Variants in SLCO1B1 observed in about 807,000 individuals in gnomAD.
The protein encoded by SLCO1B1 is solute carrier organic anion transporter family member 1B1.
Under a neutral mutation model 70.1 loss-of-function variants are expected in SLCO1B1, and 81 were observed. The ratio of observed to expected loss-of-function variants is 1.16; its 90% CI spans 0.97 to 1.39. The LOEUF is 1.39. Ranked by LOEUF, SLCO1B1 falls within the 40% of genes most tolerant of loss-of-function variation. The probability of loss-of-function intolerance (pLI) is 0.00; values close to 1 mark genes in which losing one functional copy is unlikely to be tolerated. For missense variants in SLCO1B1, 895 were observed against 799.6 expected (o/e 1.12, Z -1.44); for synonymous variants, 283 against 271.5 (o/e 1.04, Z -0.42).
intron 2 of SLCO1B1, among the ~76,000 whole-genome samples, chr12:21,169,849 G>A (rs1454325768): frequency 6.6e-6 from 1 of 151,988 alleles, no homozygotes; most frequent in East Asian, 1.9e-4. Flanking sequence ...AACTCTCCCA[G>A]ATTTTGTGAG....
At chr12:21,217,492 C>T (rs1324863179) in intron 12 of SLCO1B1, among the ~76,000 whole-genome samples, 189 bp downstream of exon 12, 1 of 151,998 alleles carries the variant, frequency 6.6e-6, no homozygotes, top group Admixed American at 6.6e-5. Flanking sequence ...GCCTCTAATT[C>T]TTCCATTAAA....
Position 21,178,574 on chromosome 12 carries a change from AG to A in SLCO1B1, c.482del, listed in dbSNP as rs1374510915. ...AAATGAAACACTCTCTTATCTACATAGGTTGTTTAAAGGAATCTGGGTCATA... is the reference window on the plus strand; with the variant it reads ...AAATGAAACACTCTCTTATCTACATAGTTGTTTAAAGGAATCTGGGTCATA... On this transcript the variant is annotated splice_acceptor_variant, in intron 5 of 14. Coordinates refer to ENST00000256958, the MANE Select transcript of SLCO1B1 (RefSeq NM_006446.5). LOFTEE classifies it high-confidence loss of function. 3.8e-6 allele frequency: 6 copies of A among 1,597,894 alleles called. No homozygotes were observed. In the African/African-American group the frequency reaches 6.7e-5, roughly 18 times the overall value.
chr12:21,143,501 A>G lies in SLCO1B1; in HGVS notation c.84+1843A>G, dbSNP rs1452618575. Among the ~76,000 whole-genome samples, 2 of 152,080 alleles carry G rather than the reference A, an allele frequency of 1.3e-5. 1 individual carries two copies. Among genetic ancestry groups the G allele is most frequent in the Admixed American group, 1.3e-4 (2 of 15,250 alleles). ...ATCAAGCATTTACTATATGCCAGAC[A>G]TTGATTTAGTGTTTTACTTTTGCTA... is the stretch of plus-strand genomic sequence containing the variant. On this transcript the variant is annotated intron_variant, in intron 2 of 14. Transcript: ENST00000256958.
At chr12:21,160,058 G>C (rs1940593555) in intron 2 of SLCO1B1, among the ~76,000 whole-genome samples, 1 of 146,696 alleles carries the variant, frequency 6.8e-6, no homozygotes, top group Non-Finnish European at 1.5e-5. Context: ...GCAATTTATA[G>C]GTTCAGTGCT....
intron 14 of SLCO1B1, among the ~76,000 whole-genome samples, chr12:21,235,338 T>C (rs1490651496): frequency 6.6e-6 from 1 of 151,644 alleles, no homozygotes; most frequent in Non-Finnish European, 1.5e-5. Flanking sequence ...GTTTAAGGTC[T>C]GTTTTATTTG....
intron 1 of SLCO1B1, among the ~76,000 whole-genome samples, chr12:21,139,421 C>T (rs990183399): frequency 4.6e-5 from 7 of 152,064 alleles, no homozygotes; most frequent in Non-Finnish European, 1.5e-5. Context: ...CTTAGAGGTA[C>T]ACATGTATGG....
chr12:21,146,565 A>G (rs1940385366), intron 2 of SLCO1B1, among the ~76,000 whole-genome samples: 1 of 152,174 alleles, frequency 6.6e-6, no homozygotes, highest in Admixed American at 6.5e-5. Context: ...GTTTTCTAAC[A>G]TATGCATTCA....
At chr12:21,217,346 TA>T (rs769417236) in intron 12 of SLCO1B1, 43 bp downstream of exon 12, 15 of 1,394,572 alleles carry the variant, frequency 1.1e-5, no homozygotes, top group Non-Finnish European at 1.5e-5. Context: ...CATGAGACTA[TA>T]AACACACCTA....
rs113876579 is a variant in SLCO1B1, at chr12:21,223,022, CTG to C, written c.1747+660_1747+661del. 3.9e-3 allele frequency among the ~76,000 whole-genome samples: 594 copies of C among 152,272 alleles called. 4 individuals carry two copies. Among genetic ancestry groups the C allele is most frequent in the African/African-American group, 0.013 (553 of 41,564 alleles). ...TTGTGTGTCTCTAATCTCCCAGACT[CTG>C]TACATTCTGGCAGGTTTCTACCTTC... is the stretch of plus-strand genomic sequence containing the variant. On this transcript the variant is annotated intron_variant, in intron 13 of 14. Transcript: ENST00000256958.
chr12:21,183,563 T>C (rs1232758670), intron 7 of SLCO1B1, among the ~76,000 whole-genome samples: 1 of 152,162 alleles, frequency 6.6e-6, no homozygotes, highest in African/African-American at 2.4e-5. Flanking sequence ...TAAATAAAAA[T>C]ATTGTGCAGA....
chr12:21,161,024 GGT>G (rs1935323378), intron 2 of SLCO1B1, among the ~76,000 whole-genome samples: 1 of 152,162 alleles, frequency 6.6e-6, no homozygotes, highest in South Asian at 2.1e-4. Context: ...TGCCTGGCAA[GGT>G]TGTGGAGAAA....
At chr12:21,145,661 G>C (rs186360073) in intron 2 of SLCO1B1, among the ~76,000 whole-genome samples, 3 of 151,458 alleles carry the variant, frequency 2.0e-5, no homozygotes, top group African/African-American at 2.4e-5. Flanking sequence ...ACTTGATCAC[G>C]AGTAATACAT....
At chr12:21,218,725 A>G (rs567978715) in intron 12 of SLCO1B1, among the ~76,000 whole-genome samples, 2 of 152,316 alleles carry the variant, frequency 1.3e-5, no homozygotes, top group Admixed American at 6.5e-5. Flanking sequence ...TTAGCTTTTT[A>G]TTTTAAACTC....
intron 2 of SLCO1B1, among the ~76,000 whole-genome samples, chr12:21,146,463 C>T (rs944126417): frequency 1.3e-5 from 2 of 151,886 alleles, no homozygotes; most frequent in African/African-American, 4.8e-5. Flanking sequence ...AATTTTTATT[C>T]TATTTTTTCT....
chr12:21,211,752 C>A (rs1941289074), intron 11 of SLCO1B1, among the ~76,000 whole-genome samples: 1 of 152,128 alleles, frequency 6.6e-6, no homozygotes, highest in Non-Finnish European at 1.5e-5. Context: ...TGTTATTGGT[C>A]TATTCAGAGA....
chr12:21,175,390 A>G (rs1940807282), intron 4 of SLCO1B1, among the ~76,000 whole-genome samples: 1 of 152,200 alleles, frequency 6.6e-6, no homozygotes, highest in South Asian at 2.1e-4. Flanking sequence ...TACTGACTTT[A>G]CATTTACCAG....
chr12:21,203,947 A>C (rs967240986), intron 10 of SLCO1B1, among the ~76,000 whole-genome samples: 1 of 152,064 alleles, frequency 6.6e-6, no homozygotes, highest in Non-Finnish European at 1.5e-5. Flanking sequence ...TCACTGTACA[A>C]AGTATACAAA....
chr12:21,191,941 C>T (rs950562566), intron 7 of SLCO1B1, among the ~76,000 whole-genome samples: 2 of 152,006 alleles, frequency 1.3e-5, no homozygotes, highest in Non-Finnish European at 2.9e-5. Context: ...ATTTGTTAAA[C>T]TTAGCATTTC....
intron 12 of SLCO1B1, among the ~76,000 whole-genome samples, chr12:21,218,022 G>A (rs573223954): frequency 1.3e-5 from 2 of 152,284 alleles, no homozygotes; most frequent in East Asian, 3.9e-4. Flanking sequence ...CAAAAGGAAA[G>A]TTAATTTAGG....
Sources: allele counts gnomAD v4.1 joint callset (sites outside exome capture counted in the v4.1 genomes callset), GRCh38; gene constraint gnomAD v4.1.1; transcripts MANE v1.5; gene names NCBI Gene and HGNC (gene_info 2026-07-23, HGNC 2026-07-21).